Variants in KIF26B observed in about 807,000 individuals in gnomAD.
The protein encoded by KIF26B is kinesin family member 26B.
A neutral mutation model predicts 151.2 loss-of-function variants in KIF26B; 63 were observed. That is an observed-to-expected ratio of 0.42 (90% CI 0.34 to 0.51). The LOEUF (loss-of-function observed/expected upper bound fraction) is 0.51. Among genes scored for constraint, KIF26B ranks in the 20% least tolerant of loss-of-function variants. KIF26B has a pLI of 0.07. For missense variants in KIF26B, 2,813 were observed against 2,913.6 expected (o/e 0.97, Z 0.79); for synonymous variants, 1,357 against 1,262.1 (o/e 1.08, Z -1.59).
intron 2 of KIF26B, among the ~76,000 whole-genome samples, chr1:245,168,461 G>A (rs754363772): frequency 6.6e-6 from 1 of 152,164 alleles, no homozygotes; most frequent in Non-Finnish European, 1.5e-5. Flanking sequence ...ACAAACAAAA[G>A]GACAATTGAT....
intron 2 of KIF26B, among the ~76,000 whole-genome samples, chr1:245,247,754 G>A (rs1198491221): frequency 1.3e-5 from 2 of 152,186 alleles, no homozygotes; most frequent in Non-Finnish European, 1.5e-5. Context: ...TAAACTAGAA[G>A]GCAGGCCTTG....
chr1:245,423,097 CAAAAAAAAAA>C lies in KIF26B; in HGVS notation c.1166+3361_1166+3370del, dbSNP rs35659375. ...TGGGTGACAGAGTTGGACTCAGTCT[CAAAAAAAAAA>C]AAAAAAAAGGAAAGAAAGAAAGAAA... On this transcript the variant is annotated intron_variant, in intron 4 of 14. Coordinates refer to ENST00000407071, the MANE Select transcript of KIF26B (RefSeq NM_018012.4). Among the ~76,000 whole-genome samples the C allele has an allele frequency of 1.3e-4, 10 of 77,664 alleles. No homozygotes were observed. The Middle Eastern group carries it at 0.024, about 189-fold the overall frequency. The allele number at this position is 77,664 out of a possible 152,430, so 51.0% of individuals were successfully genotyped here. A position where few individuals can be genotyped will look rare whatever the true frequency, so the allele number is the denominator to read the frequency against.
At chr1:245,672,819 G>A (rs907542813) in intron 10 of KIF26B, among the ~76,000 whole-genome samples, 4 of 152,136 alleles carry the variant, frequency 2.6e-5, no homozygotes, top group Non-Finnish European at 5.9e-5. Context: ...AGGGATAAGA[G>A]AGTCACTGAA....
intron 2 of KIF26B, among the ~76,000 whole-genome samples, chr1:245,292,170 T>C (rs1194218247): frequency 6.6e-6 from 1 of 152,208 alleles, no homozygotes; most frequent in Non-Finnish European, 1.5e-5. Context: ...AGCAATCCGA[T>C]GACATCGAAT....
chr1:245,522,099 G>C (rs778704141), intron 4 of KIF26B, among the ~76,000 whole-genome samples: 25 of 152,100 alleles, frequency 1.6e-4, no homozygotes, highest in Admixed American at 5.2e-4. Context: ...TCGATCTCCT[G>C]ACCTCATGAT....
chr1:245,395,080 C>A (rs1673799690), intron 3 of KIF26B, among the ~76,000 whole-genome samples: 1 of 151,214 alleles, frequency 6.6e-6, no homozygotes, highest in Non-Finnish European at 1.5e-5. Flanking sequence ...TGTTTTGTTT[C>A]TTCATTCGCC....
At chr1:245,618,798 G>A (rs149232888) in intron 9 of KIF26B, among the ~76,000 whole-genome samples, 2 of 148,544 alleles carry the variant, frequency 1.3e-5, no homozygotes, top group African/African-American at 2.5e-5. Flanking sequence ...TGCTGGTGCT[G>A]TGTCCGCTGC....
chr1:245,526,043 A>C (rs187640208), intron 4 of KIF26B, among the ~76,000 whole-genome samples: 167 of 152,356 alleles, frequency 1.1e-3, no homozygotes, highest in African/African-American at 4.0e-3. Flanking sequence ...ATGTCCATTA[A>C]AGTAAACATT....
chr1:245,593,646 C>T (rs553601286), intron 5 of KIF26B, among the ~76,000 whole-genome samples: 48 of 152,274 alleles, frequency 3.2e-4, no homozygotes, highest in East Asian at 2.7e-3. Flanking sequence ...GTGCATGTGT[C>T]TTTATAGTAG....
chr1:245,570,218 G>A (rs562459944), intron 5 of KIF26B, among the ~76,000 whole-genome samples: 7 of 152,146 alleles, frequency 4.6e-5, no homozygotes, highest in Admixed American at 2.6e-4. Flanking sequence ...TTACAGGCGT[G>A]AGCCACCATG....
chr1:245,444,394 G>C (rs1026589001), intron 4 of KIF26B, among the ~76,000 whole-genome samples: 11 of 152,124 alleles, frequency 7.2e-5, no homozygotes, highest in African/African-American at 2.7e-4. Flanking sequence ...CACACAGAAG[G>C]GGTCTGGGCT....
intron 5 of KIF26B, among the ~76,000 whole-genome samples, chr1:245,584,992 T>C (rs1210069714): frequency 6.6e-6 from 1 of 152,220 alleles, no homozygotes; most frequent in East Asian, 1.9e-4. Flanking sequence ...AACATTCACC[T>C]CCACTGTGTT....
chr1:245,509,287 C>G (rs775779487), intron 4 of KIF26B, among the ~76,000 whole-genome samples: 5 of 152,166 alleles, frequency 3.3e-5, no homozygotes, highest in Non-Finnish European at 7.3e-5. Flanking sequence ...TGGAGCCGTT[C>G]TCTATGTCTG....
intron 5 of KIF26B, among the ~76,000 whole-genome samples, chr1:245,582,460 C>CT (rs200219775): frequency 3.0e-4 from 45 of 147,956 alleles, no homozygotes; most frequent in East Asian, 6.1e-4. Flanking sequence ...ATAGCCTGTG[C>CT]TTTTTTTTTT....
chr1:245,367,790 CCTGT>C lies in KIF26B; in HGVS notation c.999+426_999+429del, dbSNP rs1673000015. Among the ~76,000 whole-genome samples, 1 of 152,190 alleles carries C rather than the reference CCTGT, an allele frequency of 6.6e-6. No homozygotes were observed. The highest frequency in any genetic ancestry group is 2.4e-5 in the African/African-American group (1 of 41,450). ...GCGTGACTTGGCACAAGGGGTTTGC[CCTGT>C]CTTAGGCTCAAGTCCCTCATTTATA... On this transcript the variant is annotated intron_variant, in intron 3 of 14. Coordinates refer to ENST00000407071, the MANE Select transcript of KIF26B (RefSeq NM_018012.4). The surrounding 1 kb of genome is among the most constrained non-coding windows in gnomAD (Gnocchi z 4.2).
In KIF26B at chr1:245,609,478, G is replaced by A. The variant is rs531119042; in HGVS notation, c.1864G>A (p.Gly622Ser). The change falls in exon 8 of 15, where the codon GGC (glycine) becomes AGC (serine). Residue 622 changes from glycine (G) to serine (S), a missense_variant. Gly to Ser is a moderately conservative substitution (Grantham distance 56). This residue lies in a region of KIF26B where 2,060 missense variants were observed against 2,088.6 expected (regional missense o/e 0.99). Transcript: ENST00000407071. ...SEVATGSLQDGQSPGVYLCED... is the reference protein window; with the variant it reads ...SEVATGSLQDSQSPGVYLCED... ...GGTGGCCACGGGCAGCCTGCAGGAC[G>A]GCCAGTCCCCGGGCGTGTACCTCTG... 32 of 1,601,542 alleles carry A rather than the reference G, an allele frequency of 2.0e-5. 1 individual carries two copies. Among genetic ancestry groups the A allele is most frequent in the Middle Eastern group, 1.7e-4 (1 of 6,032 alleles).
At chr1:245,334,476 CGAT>C (rs958031644) in intron 2 of KIF26B, among the ~76,000 whole-genome samples, 3 of 152,142 alleles carry the variant, frequency 2.0e-5, no homozygotes, top group African/African-American at 7.2e-5. Context: ...AGTGAAATTC[CGAT>C]CAGTCAGTCC....
Position 245,565,127 on chromosome 1 carries a change from T to C in KIF26B, c.1350+24177T>C, listed in dbSNP as rs2042996699. On this transcript the variant is annotated intron_variant, in intron 5 of 14. Transcript: ENST00000407071. ...TTTTCAGCCTGGCTGAGCGAGACCC[T>C]CTCTATAAAAAATTTTTTTAAAGAG... 2.6e-5 allele frequency among the ~76,000 whole-genome samples: 4 copies of C among 152,158 alleles called. No individual in the cohort carries two copies. In the South Asian group the frequency reaches 8.3e-4, roughly 32 times the overall value.
rs114373464 is a variant in KIF26B at position 245,365,231 on chromosome 1, G to T, written c.466-1603G>T. On this transcript the variant is annotated intron_variant, in intron 2 of 14. Transcript: ENST00000407071. ...GGACGCCTCGAGACAGGCCTCATATGGTTTGCATCACTTCCTCAACCAGAC... is the reference window on the plus strand; with the variant it reads ...GGACGCCTCGAGACAGGCCTCATATTGTTTGCATCACTTCCTCAACCAGAC... Among the ~76,000 whole-genome samples, 427 of 152,216 alleles carry T rather than the reference G, an allele frequency of 2.8e-3. 3 individuals are homozygous for T. Among genetic ancestry groups the T allele is most frequent in the Non-Finnish European group, 4.7e-3 (320 of 68,002 alleles).
Sources: allele counts gnomAD v4.1 joint callset (sites outside exome capture counted in the v4.1 genomes callset), GRCh38; gene constraint gnomAD v4.1.1; regional missense constraint gnomAD v4.1.1; non-coding constraint Gnocchi (gnomAD v3.1); transcripts MANE v1.5; gene names NCBI Gene and HGNC (gene_info 2026-07-23, HGNC 2026-07-21).